ZFPM2: variants seen among roughly 807,000 people sequenced by gnomAD.
ZFPM2 encodes the protein zinc finger protein, FOG family member 2.
In ZFPM2, 20 loss-of-function variants were observed where a neutral mutation model predicts 98.6. That is an observed-to-expected ratio of 0.20 (90% CI 0.14 to 0.29). The LOEUF (loss-of-function observed/expected upper bound fraction) is 0.29. Among genes scored for constraint, ZFPM2 ranks in the 10% least tolerant of loss-of-function variants. The pLI is 1.00. For missense variants in ZFPM2, 1,310 were observed against 1,388.6 expected, an observed-to-expected ratio of 0.94 and a Z score of 0.90; for synonymous variants, 518 against 502.7, an observed-to-expected ratio of 1.03 and a Z score of -0.41.
intron 4 of ZFPM2, among the ~76,000 whole-genome samples, chr8:105,599,300 A>G (rs1314212967): frequency 6.6e-6 from 1 of 151,590 alleles, no homozygotes; most frequent in Admixed American, 6.6e-5. Flanking sequence ...TTAGTTAACA[A>G]GTGCTGGATA....
At chr8:105,544,641 A>G (rs568985502) in intron 3 of ZFPM2, among the ~76,000 whole-genome samples, 1 of 152,310 alleles carries the variant, frequency 6.6e-6, no homozygotes, top group African/African-American at 2.4e-5. Context: ...GTGATTAAAT[A>G]TAAAGGTGGA....
intron 4 of ZFPM2, among the ~76,000 whole-genome samples, chr8:105,568,428 A>G (rs1198174543): frequency 6.6e-6 from 1 of 151,956 alleles, no homozygotes; most frequent in Admixed American, 6.6e-5. Context: ...CACATCTCAA[A>G]TGCTATTCAC....
chr8:105,525,682 A>G (rs1386612454), intron 3 of ZFPM2, among the ~76,000 whole-genome samples: 2 of 152,206 alleles, frequency 1.3e-5, no homozygotes, highest in African/African-American at 2.4e-5. Flanking sequence ...TTTAATGAAA[A>G]TAGGCATAGC....
intron 1 of ZFPM2, among the ~76,000 whole-genome samples, chr8:105,356,934 A>G (rs1280179155): frequency 6.6e-6 from 1 of 152,152 alleles, no homozygotes; most frequent in East Asian, 1.9e-4. Context: ...AATTAACAGC[A>G]TGTCATTGCC....
chr8:105,753,341 C>G (rs780023225), intron 5 of ZFPM2, among the ~76,000 whole-genome samples: 1 of 152,090 alleles, frequency 6.6e-6, no homozygotes. Flanking sequence ...ATACACAAAG[C>G]CCACCTATGG....
At chr8:105,400,011 G>T (rs1811305306) in intron 1 of ZFPM2, among the ~76,000 whole-genome samples, 2 of 151,938 alleles carry the variant, frequency 1.3e-5, no homozygotes, top group East Asian at 3.9e-4. Context: ...CAGGTAATCC[G>T]CTCGTCTCGG....
At chr8:105,675,082 C>T (rs142663379) in intron 5 of ZFPM2, among the ~76,000 whole-genome samples, 24 of 152,100 alleles carry the variant, frequency 1.6e-4, no homozygotes, top group South Asian at 4.2e-4. Context: ...TGGGGTAAAG[C>T]GGACTGGGAG....
At chr8:105,492,834 A>G (rs565472603) in intron 3 of ZFPM2, among the ~76,000 whole-genome samples, 96 of 152,334 alleles carry the variant, frequency 6.3e-4, no homozygotes, top group African/African-American at 2.1e-3. Context: ...CATAGATTTT[A>G]TATTTGTAAA....
intron 3 of ZFPM2, among the ~76,000 whole-genome samples, chr8:105,478,202 C>G (rs1456034037): frequency 6.6e-6 from 1 of 152,180 alleles, no homozygotes; most frequent in Non-Finnish European, 1.5e-5. Flanking sequence ...AGCCCCGATA[C>G]TTTCTGAATG....
intron 1 of ZFPM2, among the ~76,000 whole-genome samples, chr8:105,416,975 C>T (rs760004115): frequency 1.3e-5 from 2 of 149,922 alleles, no homozygotes; most frequent in Non-Finnish European, 3.0e-5. Flanking sequence ...GAGTGGTTTG[C>T]ATAGTAGTAT....
chr8:105,744,576 T>G (rs1245480702), intron 5 of ZFPM2, among the ~76,000 whole-genome samples: 1 of 152,132 alleles, frequency 6.6e-6, no homozygotes, highest in East Asian at 1.9e-4. Context: ...GTTTTTTTAA[T>G]GGTATATAAC....
intron 4 of ZFPM2, among the ~76,000 whole-genome samples, chr8:105,632,910 G>A (rs1816779565): frequency 6.6e-6 from 1 of 151,712 alleles, no homozygotes; most frequent in Non-Finnish European, 1.5e-5. Context: ...TTTTTTTTCA[G>A]ACTTCTTTTT....
At chr8:105,528,023 C>T (rs368164552) in intron 3 of ZFPM2, among the ~76,000 whole-genome samples, 5 of 152,210 alleles carry the variant, frequency 3.3e-5, no homozygotes, top group East Asian at 3.9e-4. Context: ...ATGGTACTTG[C>T]TCCAGAGGTT....
chr8:105,697,737 T>C (rs994181506), intron 5 of ZFPM2, among the ~76,000 whole-genome samples: 3 of 152,216 alleles, frequency 2.0e-5, no homozygotes, highest in African/African-American at 7.2e-5. Context: ...AAAAATTGTC[T>C]TTTTCCATGA....
rs1563546914 is a variant in ZFPM2, at chr8:105,746,654, A to ATTTTTTTTTTTTTTTTT, written c.533-42064_533-42063insTTTTTTTTTTTTTTTTT. On this transcript the variant is annotated intron_variant, in intron 5 of 7. Transcript: ENST00000407775. Reference sequence around the variant, plus strand: ...TGCGTTTTCTTGTTCTGTTTTTAAAAATTTTTTTTTTTTTTTTTTTTTTGG... The same window carrying ATTTTTTTTTTTTTTTTT: ...TGCGTTTTCTTGTTCTGTTTTTAAAATTTTTTTTTTTTTTTTTATTTTTTTTTTTTTTTTTTTTTTGG... 1.1e-4 allele frequency among the ~76,000 whole-genome samples: 12 copies of ATTTTTTTTTTTTTTTTT among 112,016 alleles called. 4 individuals are homozygous for ATTTTTTTTTTTTTTTTT. The highest frequency in any genetic ancestry group is 3.4e-4 in the South Asian group (1 of 2,984). The allele number at this position is 112,016 out of a possible 152,430, so 73.5% of individuals were successfully genotyped here.
intron 5 of ZFPM2, among the ~76,000 whole-genome samples, chr8:105,640,709 A>G (rs1307354384): frequency 6.6e-6 from 1 of 152,042 alleles, no homozygotes; most frequent in Non-Finnish European, 1.5e-5. Flanking sequence ...TCCACCTTAA[A>G]ATAGATAATC....
chr8:105,334,091 A>G (rs1466940839), intron 1 of ZFPM2, among the ~76,000 whole-genome samples: 1 of 147,782 alleles, frequency 6.8e-6, no homozygotes, highest in Non-Finnish European at 1.5e-5. Flanking sequence ...GTATTTTCAT[A>G]CCACTGCCAT....
At chr8:105,764,726 T>C (rs1812820460) in intron 5 of ZFPM2, among the ~76,000 whole-genome samples, 1 of 151,780 alleles carries the variant, frequency 6.6e-6, no homozygotes, top group South Asian at 2.1e-4. Flanking sequence ...TTGATGCGAT[T>C]TCAGGGTAAT....
At chr8:105,380,604 TA>T (rs1314600811) in intron 1 of ZFPM2, among the ~76,000 whole-genome samples, 1 of 20,044 alleles carries the variant, frequency 5.0e-5, no homozygotes, top group African/African-American at 2.4e-4. Flanking sequence ...ATATATATTA[TA>T]TATATATATA....
Sources: allele counts gnomAD v4.1 joint callset (sites outside exome capture counted in the v4.1 genomes callset), GRCh38; gene constraint gnomAD v4.1.1; transcripts MANE v1.5; gene names NCBI Gene and HGNC (gene_info 2026-07-23, HGNC 2026-07-21).